Variants in UNC5D observed in about 807,000 individuals in gnomAD.
UNC5D encodes netrin receptor UNC5D.
UNC5D carries 39 observed loss-of-function variants against 105.4 expected under a neutral mutation model. The ratio of observed to expected loss-of-function variants is 0.37; its 90% CI spans 0.29 to 0.48. UNC5D has a LOEUF of 0.48. Among genes scored for constraint, UNC5D ranks in the 20% least tolerant of loss-of-function variants. The probability of loss-of-function intolerance (pLI) is 0.98; values close to 1 mark genes in which losing one functional copy is unlikely to be tolerated. For synonymous variants in UNC5D, 452 were observed against 450.4 expected (o/e 1.00, Z -0.04); for missense variants, 991 against 1,202.4 (o/e 0.82, Z 2.60).
chr8:35,668,911 A>T (rs1824598363), intron 4 of UNC5D, among the ~76,000 whole-genome samples: 1 of 152,024 alleles, frequency 6.6e-6, no homozygotes, highest in Non-Finnish European at 1.5e-5. Context: ...TTCATGATTC[A>T]TGAATTTCTG....
chr8:35,535,286 A>T (rs536859213), intron 1 of UNC5D, among the ~76,000 whole-genome samples: 2 of 152,118 alleles, frequency 1.3e-5, no homozygotes, highest in Non-Finnish European at 2.9e-5. Flanking sequence ...ACATAATGCA[A>T]TTAAACTTAC....
At chr8:35,434,877 ATGTGGTC>A (rs1806900045) in intron 1 of UNC5D, among the ~76,000 whole-genome samples, 3 of 152,122 alleles carry the variant, frequency 2.0e-5, no homozygotes, top group Admixed American at 6.6e-5. Context: ...TAAAGCAATG[ATGTGGTC>A]AGTTATTAGT....
At chr8:35,323,541 C>T (rs978345979) in intron 1 of UNC5D, among the ~76,000 whole-genome samples, 2 of 152,094 alleles carry the variant, frequency 1.3e-5, no homozygotes, top group Admixed American at 6.5e-5. Context: ...CAAGTAGCTG[C>T]TATTTGCACC....
At chr8:35,781,815 G>A (rs1802513704) in intron 16 of UNC5D, among the ~76,000 whole-genome samples, 1 of 152,142 alleles carries the variant, frequency 6.6e-6, no homozygotes, top group African/African-American at 2.4e-5. Flanking sequence ...TTCTCATTTG[G>A]CAACAGACAG....
At chr8:35,667,131 C>CAT (rs1181505712) in intron 4 of UNC5D, among the ~76,000 whole-genome samples, 1 of 151,880 alleles carries the variant, frequency 6.6e-6, no homozygotes, top group Non-Finnish European at 1.5e-5. Context: ...AAACTTGGAA[C>CAT]ATGTATTTGT....
intron 7 of UNC5D, among the ~76,000 whole-genome samples, chr8:35,688,608 A>G (rs1238451562): frequency 1.3e-5 from 2 of 152,230 alleles, no homozygotes; most frequent in Non-Finnish European, 2.9e-5. Flanking sequence ...GCTCTCCAAT[A>G]AATGCACACC....
chr8:35,283,311 G>T (rs1358877596), intron 1 of UNC5D, among the ~76,000 whole-genome samples: 7 of 152,130 alleles, frequency 4.6e-5, no homozygotes, highest in African/African-American at 1.7e-4. Flanking sequence ...TCAAGTCTGT[G>T]CCTGCAGCAT....
intron 14 of UNC5D, among the ~76,000 whole-genome samples, chr8:35,762,430 G>C (rs2131691907): frequency 6.6e-6 from 1 of 152,266 alleles, no homozygotes; most frequent in Non-Finnish European, 1.5e-5. Context: ...GGCTATGTCA[G>C]CTCTTCTGAG....
At chr8:35,434,878 T>C (rs1164711409) in intron 1 of UNC5D, among the ~76,000 whole-genome samples, 3 of 152,096 alleles carry the variant, frequency 2.0e-5, no homozygotes, top group Admixed American at 2.0e-4. Flanking sequence ...AAAGCAATGA[T>C]GTGGTCAGTT....
intron 2 of UNC5D, among the ~76,000 whole-genome samples, chr8:35,551,243 A>T (rs1032429209): frequency 1.3e-5 from 2 of 152,242 alleles, no homozygotes; most frequent in African/African-American, 4.8e-5. Flanking sequence ...AATAACAACC[A>T]GAATATAAGT....
chr8:35,595,734 C>T (rs1819451940), intron 4 of UNC5D, 77 bp downstream of exon 4: 1 of 1,338,652 alleles, frequency 7.5e-7, no homozygotes, highest in African/African-American at 1.5e-5. Flanking sequence ...TCCTGTGTGG[C>T]TGGAAGGGAA....
At chr8:35,690,848 G>A (rs1027791817) in intron 7 of UNC5D, among the ~76,000 whole-genome samples, 1 of 152,118 alleles carries the variant, frequency 6.6e-6, no homozygotes, top group Non-Finnish European at 1.5e-5. Context: ...AAGAATCTAG[G>A]TCATATTACA....
chr8:35,268,350 A>G (rs966835494), intron 1 of UNC5D, among the ~76,000 whole-genome samples: 1 of 152,154 alleles, frequency 6.6e-6, no homozygotes, highest in Non-Finnish European at 1.5e-5. Context: ...AAGTGCACCC[A>G]GAAATGTAGT....
intron 8 of UNC5D, among the ~76,000 whole-genome samples, chr8:35,716,848 A>G (rs1413896188): frequency 6.6e-6 from 1 of 152,208 alleles, no homozygotes; most frequent in Admixed American, 6.5e-5. Flanking sequence ...AGGAAAAAAA[A>G]TGTTTGCTTC....
At chr8:35,300,218 TG>T (rs1807830541) in intron 1 of UNC5D, among the ~76,000 whole-genome samples, 2 of 151,722 alleles carry the variant, frequency 1.3e-5, no homozygotes, top group Admixed American at 1.3e-4. Flanking sequence ...GAAGCCAAGG[TG>T]GGCACATCAC....
intron 4 of UNC5D, among the ~76,000 whole-genome samples, chr8:35,680,352 T>C (rs1013192120): frequency 6.6e-6 from 1 of 152,206 alleles, no homozygotes; most frequent in Non-Finnish European, 1.5e-5. Context: ...AACTTATTAA[T>C]TTTAGACTTT....
chr8:35,349,798 A>G (rs772363822), intron 1 of UNC5D, among the ~76,000 whole-genome samples: 3 of 151,982 alleles, frequency 2.0e-5, no homozygotes, highest in African/African-American at 7.2e-5. Flanking sequence ...TTATTAAAAG[A>G]CATATACTCA....
intron 4 of UNC5D, among the ~76,000 whole-genome samples, chr8:35,662,879 G>C (rs901122706): frequency 6.6e-6 from 1 of 152,148 alleles, no homozygotes; most frequent in Non-Finnish European, 1.5e-5. Context: ...CCTGAGCTCT[G>C]CCTCCTGTGA....
chr8:35,769,395 T>C (rs923073809), intron 15 of UNC5D, among the ~76,000 whole-genome samples: 2 of 152,184 alleles, frequency 1.3e-5, no homozygotes, highest in African/African-American at 4.8e-5. Flanking sequence ...CTTCAGGGAC[T>C]CAGGTACTAG....
Sources: gnomAD v4.1 joint callset for allele counts (sites outside exome capture counted in the v4.1 genomes callset) on GRCh38, gnomAD v4.1.1 for gene constraint, MANE v1.5 for transcripts, NCBI Gene and HGNC (gene_info 2026-07-23, HGNC 2026-07-21) for gene names.